SORCS3: variants seen among roughly 807,000 people sequenced by gnomAD.
SORCS3 encodes sortilin related VPS10 domain containing receptor 3.
In SORCS3, 57 loss-of-function variants were observed where a neutral mutation model predicts 146.3. The observed-to-expected ratio is 0.39, with a 90% CI of 0.31 to 0.49. SORCS3 has a LOEUF of 0.49. SORCS3 is among the 20% of genes least tolerant of loss of function. The pLI is 0.92. For synonymous variants in SORCS3, 653 were observed against 618.5 expected (o/e 1.06, Z -0.83); for missense variants, 1,341 against 1,575.5 (o/e 0.85, Z 2.52).
At chr10:105,210,578 ACTTT>A (rs1481353917) in intron 16 of SORCS3, among the ~76,000 whole-genome samples, 1 of 152,170 alleles carries the variant, frequency 6.6e-6, no homozygotes, top group Non-Finnish European at 1.5e-5. Flanking sequence ...ATAGTAGCGG[ACTTT>A]CTTTCTTCAT....
intron 1 of SORCS3, among the ~76,000 whole-genome samples, chr10:104,767,719 G>A (rs1313701431): frequency 1.6e-4 from 10 of 61,512 alleles, no homozygotes; most frequent in Non-Finnish European, 2.2e-4. Context: ...CTCCCCCTCC[G>A]CCTCCCCTCC....
chr10:105,242,586 ATTTATATATG>A (rs1438635134), intron 20 of SORCS3, among the ~76,000 whole-genome samples: 29 of 98,362 alleles, frequency 2.9e-4, no homozygotes, highest in East Asian at 1.0e-3. Context: ...ATTTATATAT[ATTTATATATG>A]TTTATATACA....
intron 9 of SORCS3, among the ~76,000 whole-genome samples, chr10:105,152,573 A>T (rs1398422075): frequency 6.6e-6 from 1 of 152,214 alleles, no homozygotes; most frequent in Non-Finnish European, 1.5e-5. Flanking sequence ...AAAAAAGAAG[A>T]TTCACATACC....
chr10:104,938,375 T>C (rs2019280266), intron 3 of SORCS3, among the ~76,000 whole-genome samples: 1 of 152,224 alleles, frequency 6.6e-6, no homozygotes, highest in Non-Finnish European at 1.5e-5. Context: ...TCATTGCCTG[T>C]AGGATTCAGG....
At chr10:105,240,952 A>C (rs527825350) in intron 20 of SORCS3, among the ~76,000 whole-genome samples, 2,235 of 124,228 alleles carry the variant, frequency 0.018, 51 homozygotes, top group African/African-American at 0.05. Flanking sequence ...AAAAAAATAT[A>C]TATATATATA....
At position 104,674,097 on chromosome 10, in the gene SORCS3, G is replaced by A. The variant is rs149848993; in HGVS notation, c.627+32143G>A. On this transcript the variant is annotated intron_variant, in intron 1 of 26. Coordinates refer to ENST00000369701, the MANE Select transcript of SORCS3 (RefSeq NM_014978.3). ...AAGACATAGAACAATTTATAGCACC[G>A]CAGAAAGCTCCTTTATGTTTGCTGT... Among the ~76,000 whole-genome samples, 12 of 152,262 alleles carry A rather than the reference G, an allele frequency of 7.9e-5. No individual in the cohort carries two copies. The South Asian group carries it at 1.4e-3, about 18-fold the overall frequency.
chr10:105,227,734 G>C (rs145442137), intron 20 of SORCS3, among the ~76,000 whole-genome samples: 2,349 of 152,088 alleles, frequency 0.015, 19 homozygotes, highest in Non-Finnish European at 0.023. Flanking sequence ...GGTATTGGGT[G>C]CATATATGTT....
In SORCS3 at chr10:105,178,645, T is replaced by C. The variant is rs186684296; in HGVS notation, c.2009+472T>C. 1.7e-3 allele frequency among the ~76,000 whole-genome samples: 260 copies of C among 152,208 alleles called. 6 individuals are homozygous for C. In the South Asian group the frequency reaches 0.044, roughly 26 times the overall value. Reference sequence around the variant, plus strand: ...CACACAGACACACACTCCACAGTTATTTTGCTTCAGATTATTTCACTGTAA... The same window carrying C: ...CACACAGACACACACTCCACAGTTACTTTGCTTCAGATTATTTCACTGTAA... On this transcript the variant is annotated intron_variant, in intron 14 of 26. Transcript: ENST00000369701.
At position 104,948,959 on chromosome 10, in the gene SORCS3, C is replaced by A. The variant is rs114892405; in HGVS notation, c.796-28376C>A. 4.2e-3 allele frequency among the ~76,000 whole-genome samples: 645 copies of A among 152,252 alleles called. 8 individuals are homozygous for A. The highest frequency in any genetic ancestry group is 0.014 in the African/African-American group (600 of 41,552). ...AAATTAATGCTACAGTAGCCCAAGC[C>A]AATTCAAGCCAATTTGTTGCAGAAA... On this transcript the variant is annotated intron_variant, in intron 3 of 26. Transcript: ENST00000369701.
At chr10:105,231,069 A>C (rs2056762859) in intron 20 of SORCS3, among the ~76,000 whole-genome samples, 1 of 152,082 alleles carries the variant, frequency 6.6e-6, no homozygotes, top group African/African-American at 2.4e-5. Flanking sequence ...CACATTGGGG[A>C]ATCTCTCCAA....
chr10:104,643,767 A>AGGAT (rs1412758977), intron 1 of SORCS3, among the ~76,000 whole-genome samples: 5 of 143,716 alleles, frequency 3.5e-5, no homozygotes, highest in African/African-American at 1.3e-4. Flanking sequence ...CTTGGTGAGG[A>AGGAT]GGATGGATGG....
chr10:105,249,786 T>C (rs938665176), intron 22 of SORCS3, among the ~76,000 whole-genome samples: 1 of 152,020 alleles, frequency 6.6e-6, no homozygotes, highest in African/African-American at 2.4e-5. Context: ...CTCAGGAGGC[T>C]GAGGCAGGAT....
chr10:104,668,149 C>CTGTG (rs147505906), intron 1 of SORCS3, among the ~76,000 whole-genome samples: 1 of 151,312 alleles, frequency 6.6e-6, no homozygotes, highest in Non-Finnish European at 1.5e-5. Context: ...ATTGCAACAG[C>CTGTG]TGTGTGTGTG....
At chr10:105,000,486 GTTGTT>G (rs2055054507) in intron 4 of SORCS3, among the ~76,000 whole-genome samples, 1 of 151,946 alleles carries the variant, frequency 6.6e-6, no homozygotes. Context: ...TTTCTTTGTT[GTTGTT>G]TTGTTTTGTT....
At chr10:104,826,525 A>T (rs2017937268) in intron 1 of SORCS3, among the ~76,000 whole-genome samples, 1 of 152,232 alleles carries the variant, frequency 6.6e-6, no homozygotes, top group African/African-American at 2.4e-5. Context: ...ATTAAGTGTT[A>T]AGTAGCATCA....
chr10:104,996,342 T>A (rs1033894105), intron 4 of SORCS3, among the ~76,000 whole-genome samples: 3 of 152,206 alleles, frequency 2.0e-5, no homozygotes. Flanking sequence ...CACAGCCATC[T>A]CTTTATTTGT....
At chr10:105,107,483 G>GT (rs1730545025) in intron 7 of SORCS3, among the ~76,000 whole-genome samples, 1 of 151,968 alleles carries the variant, frequency 6.6e-6, no homozygotes, top group African/African-American at 2.4e-5. Flanking sequence ...AAAGTTTGCT[G>GT]TAACTCCGCA....
At chr10:105,007,215 A>G (rs2133677954) in intron 4 of SORCS3, among the ~76,000 whole-genome samples, 1 of 152,306 alleles carries the variant, frequency 6.6e-6, no homozygotes, top group South Asian at 2.1e-4. Flanking sequence ...TTTATGAGGA[A>G]TCTACTTATT....
chr10:105,021,668 G>A (rs7082671), intron 4 of SORCS3, among the ~76,000 whole-genome samples: 10,200 of 152,112 alleles, frequency 0.067, 821 homozygotes, highest in African/African-American at 0.19. Context: ...AATACATACC[G>A]CATAATATAA....
Sources: allele counts gnomAD v4.1 joint callset (sites outside exome capture counted in the v4.1 genomes callset), GRCh38; gene constraint gnomAD v4.1.1; transcripts MANE v1.5; gene names NCBI Gene and HGNC (gene_info 2026-07-23, HGNC 2026-07-21).